The following INSIG1 variants were observed in gnomAD, a reference collection of about 807,000 sequenced individuals.
INSIG1 encodes insulin-induced gene 1 protein.
A neutral mutation model predicts 26.5 loss-of-function variants in INSIG1; 14 were observed. The observed-to-expected ratio is 0.53, with a 90% CI of 0.35 to 0.83. The LOEUF (loss-of-function observed/expected upper bound fraction) is 0.83, where lower values mean the gene tolerates loss of function less well. INSIG1 is among the 40% of genes least tolerant of loss of function. The pLI is 0.01. For synonymous variants in INSIG1, 147 were observed against 153.3 expected (o/e 0.96, Z 0.30); for missense variants, 272 against 368.9 (o/e 0.74, Z 2.15).
chr7:155,303,728 AC>A, intron 5 of INSIG1: 1 of 498,398 alleles, frequency 2.0e-6, no homozygotes. Flanking sequence ...AAAAAAAACA[AC>A]AAAAACCTAG....
intron 5 of INSIG1, chr7:155,303,973 T>G: frequency 3.7e-6 from 2 of 547,018 alleles, no homozygotes; most frequent in Non-Finnish European, 5.4e-6. Context: ...GGACTTTGCT[T>G]GCCTTTTTTT....
intron 1 of INSIG1, 134 bp downstream of exon 1, chr7:155,298,093 C>T (rs1018167623): frequency 1.2e-4 from 55 of 473,184 alleles, no homozygotes; most frequent in African/African-American, 9.7e-4. Flanking sequence ...GGATGCTGCT[C>T]GCTGTGAGCG....
chr7:155,304,956 T>G (rs1797895707), intron 5 of INSIG1, among the ~76,000 whole-genome samples: 2 of 130,214 alleles, frequency 1.5e-5, no homozygotes, highest in African/African-American at 3.0e-5. Flanking sequence ...GCTAACACAG[T>G]GAAACCCCGT....
chr7:155,299,771 G>T (rs528657145), intron 2 of INSIG1, among the ~76,000 whole-genome samples: 31 of 152,350 alleles, frequency 2.0e-4, no homozygotes, highest in African/African-American at 7.5e-4. Context: ...TTCATTTATA[G>T]ATGTGGCAAC....
intron 2 of INSIG1, among the ~76,000 whole-genome samples, chr7:155,301,280 C>T (rs1254829917): frequency 1.3e-5 from 2 of 152,188 alleles, no homozygotes; most frequent in Non-Finnish European, 2.9e-5. Context: ...TTACATATTG[C>T]TCATATTAAT....
intron 3 of INSIG1, among the ~76,000 whole-genome samples, chr7:155,301,916 TTA>T (rs975874284): frequency 2.7e-5 from 3 of 109,420 alleles, no homozygotes; most frequent in African/African-American, 4.0e-5. Flanking sequence ...ATTTATATTT[TTA>T]TATATATTAT....
Position 155,308,531 on chromosome 7 carries a change from C to T in INSIG1, c.*261C>T, listed in dbSNP as rs2150903894. 4.2e-6 allele frequency: 2 copies of T among 475,040 alleles called. No homozygotes were observed. The highest frequency in any genetic ancestry group is 3.6e-5 in the South Asian group (1 of 27,866). The allele number at this position is 475,040 out of a possible 1,614,324, so 29.4% of individuals were successfully genotyped here. A position where few individuals can be genotyped will look rare whatever the true frequency, so the allele number is the denominator to read the frequency against. Reference sequence around the variant, plus strand: ...TCTGCCCAGGCTACGTGGGTTCAGGCAGGTGGCAGCTTCCCAAGTATTCGA... The same window carrying T: ...TCTGCCCAGGCTACGTGGGTTCAGGTAGGTGGCAGCTTCCCAAGTATTCGA... On this transcript the variant is annotated 3_prime_UTR_variant, in exon 6 of 6. Transcript: ENST00000340368.
At chr7:155,299,468 A>T (rs1305073028) in intron 2 of INSIG1, among the ~76,000 whole-genome samples, 1 of 152,206 alleles carries the variant, frequency 6.6e-6, no homozygotes, top group African/African-American at 2.4e-5. Context: ...TCAGCAGATC[A>T]CTTACTGCTC....
At chr7:155,298,185 CG>C in intron 1 of INSIG1, 73 bp from the exon 2 acceptor site, 2 of 1,259,306 alleles carry the variant, frequency 1.6e-6, no homozygotes, top group Non-Finnish European at 2.1e-6. Context: ...GCCCGGGTGC[CG>C]GGGTTCGCGT....
At position 155,298,391 on chromosome 7, in the gene INSIG1, G is replaced by A. The variant is rs1340304058; in HGVS notation, c.106G>A (p.Glu36Lys). 3 of 1,563,378 alleles carry A rather than the reference G, an allele frequency of 1.9e-6. No individual in the cohort carries two copies. The East Asian group carries it at 7.0e-5, about 36-fold the overall frequency. The stretch of plus-strand genomic sequence containing the variant: ...CGCGGGGCTGGCGGCCAAGGTTGGG[G>A]AGATGATCAACGTTTCCGTGTCCGG... ...SAAGLAAKVG[E>K]MINVSVSGPS... is the part of the protein sequence containing the mutation. Residue 36 changes from glutamate (E) to lysine (K), a missense_variant, in exon 2 of 6, where the codon GAG becomes AAG. Transcript: ENST00000340368.
At chr7:155,299,102 C>T (rs1797715991) in intron 2 of INSIG1, among the ~76,000 whole-genome samples, 3 of 152,334 alleles carry the variant, frequency 2.0e-5, no homozygotes, top group African/African-American at 7.2e-5. Context: ...GTCGCGGCAG[C>T]AAACATGCTA....
chr7:155,305,158 A>C (rs188677016), intron 5 of INSIG1, among the ~76,000 whole-genome samples: 280 of 151,608 alleles, frequency 1.8e-3, no homozygotes, highest in Non-Finnish European at 2.9e-3. Context: ...AAAAAAAAAA[A>C]AAAACTGGAG....
intron 5 of INSIG1, among the ~76,000 whole-genome samples, chr7:155,304,350 T>C (rs1797878214): frequency 1.3e-5 from 2 of 152,220 alleles, no homozygotes; most frequent in African/African-American, 4.8e-5. Flanking sequence ...TTAATAGTCT[T>C]CAAAGGAGAG....
intron 1 of INSIG1, 93 bp downstream of exon 1, chr7:155,298,052 G>C: frequency 2.5e-6 from 1 of 396,264 alleles, no homozygotes; most frequent in Admixed American, 4.6e-5. Flanking sequence ...GCCCTGTTGG[G>C]TCTTTGGGAC....
At chr7:155,299,570 G>C (rs1585201110) in intron 2 of INSIG1, among the ~76,000 whole-genome samples, 1 of 152,332 alleles carries the variant, frequency 6.6e-6, no homozygotes, top group Middle Eastern at 3.4e-3. Flanking sequence ...TAATCCAAAA[G>C]TGAGCACCAC....
chr7:155,301,480 GTAATGTACTGTGTTAC>G (rs1331908944), intron 2 of INSIG1, 70 bp from the exon 3 acceptor site: 112 of 1,234,794 alleles, frequency 9.1e-5, no homozygotes, highest in Non-Finnish European at 1.2e-4. Flanking sequence ...ACTGGTTTGA[GTAATGTACTGTGTTAC>G]TAATGACCAC....
Position 155,302,943 on chromosome 7 carries a change from T to A in INSIG1, c.804+97T>A. ...CATTCAAATTTGCGTTCATATATTC[T>A]GGTTCAGACTTGAGTGACAACTACT... is the stretch of plus-strand genomic sequence containing the variant. On this transcript the variant is annotated intron_variant, in intron 5 of 5. Coordinates refer to ENST00000340368, the MANE Select transcript of INSIG1 (RefSeq NM_005542.6). The surrounding 1 kb of genome is among the most constrained non-coding windows in gnomAD (Gnocchi z 4.3). 1.3e-6 allele frequency: 1 copy of A among 788,504 alleles called. No homozygotes were observed. The allele number at this position is 788,504 out of a possible 1,614,324, so 48.8% of individuals were successfully genotyped here. A position where few individuals can be genotyped will look rare whatever the true frequency, so the allele number is the denominator to read the frequency against.
intron 5 of INSIG1, among the ~76,000 whole-genome samples, chr7:155,305,145 C>CA (rs34325240): frequency 0.08 from 6,430 of 79,946 alleles, 301 homozygotes; most frequent in East Asian, 0.2. Flanking sequence ...GACTCTGTCT[C>CA]AAAAAAAAAA....
At chr7:155,300,340 T>C (rs966760266) in intron 2 of INSIG1, among the ~76,000 whole-genome samples, 5 of 152,260 alleles carry the variant, frequency 3.3e-5, no homozygotes, top group African/African-American at 1.2e-4. Context: ...TACCTATTTA[T>C]TTATTAAGCT....
Sources: gnomAD v4.1 joint callset for allele counts (sites outside exome capture counted in the v4.1 genomes callset) on GRCh38, gnomAD v4.1.1 for gene constraint, Gnocchi (gnomAD v3.1) non-coding constraint, MANE v1.5 for transcripts, NCBI Gene and HGNC (gene_info 2026-07-23, HGNC 2026-07-21) for gene names.